The following AGO3 variants were observed in gnomAD, a reference collection of about 807,000 sequenced individuals.
The protein encoded by AGO3 is argonaute RISC catalytic component 3, also known as protein argonaute-3.
AGO3 carries 16 observed loss-of-function variants against 105.5 expected under a neutral mutation model. The observed-to-expected ratio is 0.15, with a 90% CI of 0.10 to 0.23. The LOEUF is 0.23. Among genes scored for constraint, AGO3 ranks in the 10% least tolerant of loss-of-function variants. AGO3 has a pLI of 1.00. For missense variants in AGO3, 534 were observed against 1,088.0 expected (o/e 0.49, Z 7.16); for synonymous variants, 340 against 367.3 (o/e 0.93, Z 0.85).
chr1:35,992,648 C>G (rs1424612018), intron 5 of AGO3, among the ~76,000 whole-genome samples: 1 of 152,176 alleles, frequency 6.6e-6, no homozygotes, highest in East Asian at 1.9e-4. Context: ...TCTGGTTTAT[C>G]TCTAAATTTC....
rs78386343 is a variant in AGO3 at position 35,999,553 on chromosome 1, G to T, written c.659-4788G>T. 1.5e-3 allele frequency among the ~76,000 whole-genome samples: 223 copies of T among 152,202 alleles called. 1 individual carries two copies. Among genetic ancestry groups the T allele is most frequent in the African/African-American group, 5.2e-3 (216 of 41,536 alleles). On this transcript the variant is annotated intron_variant, in intron 5 of 18. Transcript: ENST00000373191. ...TTCTATAGTATCTTTCAATAAAAGA[G>T]ATACTTATTACTTCCATAGGTCTTA...
chr1:36,031,199 T>C (rs1012490941), intron 12 of AGO3, among the ~76,000 whole-genome samples: 4 of 152,140 alleles, frequency 2.6e-5, no homozygotes, highest in Non-Finnish European at 5.9e-5. Flanking sequence ...AGACAGGTCT[T>C]GCTATGTTGC....
rs79744492 is a variant in AGO3, at chr1:36,018,938, T to C, written c.1406+4890T>C. On this transcript the variant is annotated intron_variant, in intron 11 of 18. Transcript: ENST00000373191. Reference sequence around the variant, plus strand: ...GGCCATCTGCTTCTCGGGAGAAACTTACCTCATTAGCTTTACCTTAAGTTC... The same window carrying C: ...GGCCATCTGCTTCTCGGGAGAAACTCACCTCATTAGCTTTACCTTAAGTTC... Among the ~76,000 whole-genome samples the C allele has an allele frequency of 5.3e-3, 813 of 152,062 alleles. 5 individuals are homozygous for C. Among genetic ancestry groups the C allele is most frequent in the African/African-American group, 0.019 (772 of 41,478 alleles).
At chr1:35,966,808 C>T (rs1646783472) in intron 2 of AGO3, 147 bp from the exon 3 acceptor site, 2 of 918,444 alleles carry the variant, frequency 2.2e-6, no homozygotes, top group Non-Finnish European at 3.0e-6. Flanking sequence ...GTGTCTTAAG[C>T]CAAGATTCTA....
chr1:35,993,301 A>C (rs1444152703), intron 5 of AGO3, among the ~76,000 whole-genome samples: 1 of 152,182 alleles, frequency 6.6e-6, no homozygotes, highest in Non-Finnish European at 1.5e-5. Context: ...AAATTTAATT[A>C]AAAAACTGTA....
At chr1:36,014,189 C>G in intron 11 of AGO3, 141 bp downstream of exon 11, 8 of 1,098,082 alleles carry the variant, frequency 7.3e-6, no homozygotes, top group African/African-American at 1.6e-5. Flanking sequence ...GACAGAGTCT[C>G]ACTCTGTCAC....
chr1:36,052,900 T>C (rs1464083963), intron 17 of AGO3, among the ~76,000 whole-genome samples: 2 of 152,120 alleles, frequency 1.3e-5, no homozygotes, highest in Non-Finnish European at 2.9e-5. Context: ...TAGTCCCAGC[T>C]ACTCCGGAGG....
chr1:35,963,030 T>C (rs1646706727), intron 2 of AGO3, among the ~76,000 whole-genome samples: 1 of 152,096 alleles, frequency 6.6e-6, no homozygotes, highest in Non-Finnish European at 1.5e-5. Context: ...CGCAGGGAAA[T>C]AGGAGCCTCA....
intron 3 of AGO3, among the ~76,000 whole-genome samples, chr1:35,968,213 A>G (rs575676436): frequency 1.3e-5 from 2 of 152,156 alleles, no homozygotes; most frequent in African/African-American, 4.8e-5. Flanking sequence ...CTATTGGGGT[A>G]TTCTTTTCCT....
intron 11 of AGO3, among the ~76,000 whole-genome samples, chr1:36,025,783 A>T (rs1004342238): frequency 6.6e-6 from 1 of 152,180 alleles, no homozygotes; most frequent in Non-Finnish European, 1.5e-5. Flanking sequence ...CATGCCTGTA[A>T]TCCCAGCACT....
chr1:35,942,699 C>T (rs1279728835), intron 1 of AGO3, among the ~76,000 whole-genome samples: 1 of 152,112 alleles, frequency 6.6e-6, no homozygotes. Flanking sequence ...CTGGACATCA[C>T]AGGTTTTCTT....
At chr1:35,985,628 T>G (rs1452272579) in intron 5 of AGO3, among the ~76,000 whole-genome samples, 2 of 152,212 alleles carry the variant, frequency 1.3e-5, no homozygotes, top group African/African-American at 4.8e-5. Flanking sequence ...CATCTTACAT[T>G]AGACACAAAA....
intron 9 of AGO3, among the ~76,000 whole-genome samples, chr1:36,009,932 CTTTTTTTT>C (rs58385070): frequency 1.7e-5 from 1 of 58,200 alleles, no homozygotes. Context: ...TACTAAAATT[CTTTTTTTT>C]TTTTTTTTTT....
At chr1:35,965,201 C>T (rs1348656597) in intron 2 of AGO3, among the ~76,000 whole-genome samples, 1 of 151,668 alleles carries the variant, frequency 6.6e-6, no homozygotes, top group Non-Finnish European at 1.5e-5. Flanking sequence ...ACCTAAGAAA[C>T]CAGATTTTGG....
At chr1:35,945,211 T>C (rs946640330) in intron 1 of AGO3, among the ~76,000 whole-genome samples, 2 of 136,374 alleles carry the variant, frequency 1.5e-5, no homozygotes, top group Admixed American at 1.5e-4. Context: ...TTCTTTTCTT[T>C]TCTTTTTTTT....
At chr1:35,972,286 G>A (rs145734327) in intron 4 of AGO3, 54 bp downstream of exon 4, 82 of 1,563,470 alleles carry the variant, frequency 5.2e-5, no homozygotes, top group Non-Finnish European at 6.1e-5. Flanking sequence ...AGAATGAATT[G>A]TGCAGGCTTC....
chr1:36,055,487 G>A lies in AGO3; in HGVS notation c.2475-150G>A, dbSNP rs1264325492. The A allele has an allele frequency of 5.3e-6, 4 of 754,968 alleles. No homozygotes were observed. The highest frequency in any genetic ancestry group is 5.3e-5 in the African/African-American group (3 of 56,800). The allele number at this position is 754,968 out of a possible 1,614,324, so 46.8% of individuals were successfully genotyped here. The stretch of plus-strand genomic sequence containing the variant: ...ACAAAATTGGCCTTGAGTTAATAGT[G>A]ATTGAAGCTGAGTGATGGACACATA... On this transcript the variant is annotated intron_variant, in intron 18 of 18. Coordinates refer to ENST00000373191, the MANE Select transcript of AGO3 (RefSeq NM_024852.4). This position sits in a 1 kb window ranked among gnomAD's most constrained non-coding sequence, Gnocchi z 4.4.
chr1:36,033,730 T>A (rs1195369565), intron 12 of AGO3, among the ~76,000 whole-genome samples: 1 of 152,152 alleles, frequency 6.6e-6, no homozygotes, highest in Non-Finnish European at 1.5e-5. Flanking sequence ...ACTTTTGTTC[T>A]TTGCGCTATA....
intron 5 of AGO3, among the ~76,000 whole-genome samples, chr1:35,983,892 A>G (rs768672249): frequency 1.1e-4 from 17 of 152,242 alleles, no homozygotes; most frequent in Non-Finnish European, 7.3e-5. Context: ...ATAGATAGAC[A>G]TATCTAGTGT....
Sources: gnomAD v4.1 joint callset for allele counts (sites outside exome capture counted in the v4.1 genomes callset) on GRCh38, gnomAD v4.1.1 for gene constraint, Gnocchi (gnomAD v3.1) non-coding constraint, MANE v1.5 for transcripts, NCBI Gene and HGNC (gene_info 2026-07-23, HGNC 2026-07-21) for gene names.